Variants in SNX29 observed in about 807,000 individuals in gnomAD.
SNX29 encodes the protein sorting nexin-29.
SNX29 carries 78 observed loss-of-function variants against 102.1 expected under a neutral mutation model. The ratio of observed to expected loss-of-function variants is 0.76; its 90% CI spans 0.64 to 0.92. The LOEUF is 0.92. Ranked by LOEUF, SNX29 falls within the 40% of genes least tolerant of loss-of-function variation. SNX29 has a pLI of 0.00. For missense variants in SNX29, 1,280 were observed against 1,061.7 expected (o/e 1.21, Z -2.86); for synonymous variants, 580 against 414.5 (o/e 1.40, Z -4.85).
At chr16:12,520,090 C>T (rs2151945760) in intron 19 of SNX29, among the ~76,000 whole-genome samples, 1 of 152,340 alleles carries the variant, frequency 6.6e-6, no homozygotes, top group African/African-American at 2.4e-5. Context: ...ATTCTGGGAT[C>T]TTCCACACCT....
rs2050980756 is a variant in SNX29, at chr16:12,065,278, T to C, written c.1243+3632T>C. Among the ~76,000 whole-genome samples the C allele has an allele frequency of 1.3e-5, 2 of 152,152 alleles. 1 individual carries two copies. The highest frequency in any genetic ancestry group is 4.1e-4 in the South Asian group (2 of 4,826). On this transcript the variant is annotated intron_variant, in intron 9 of 20. Coordinates refer to ENST00000566228, the MANE Select transcript of SNX29 (RefSeq NM_032167.5). Reference sequence around the variant, plus strand: ...GGTTCCTCTGGGAGTATGTGGTGTCTATACCTGAGCAAAGCAAATTCACCA... The same window carrying C: ...GGTTCCTCTGGGAGTATGTGGTGTCCATACCTGAGCAAAGCAAATTCACCA...
intron 18 of SNX29, among the ~76,000 whole-genome samples, chr16:12,405,468 A>G (rs1375542846): frequency 1.3e-5 from 2 of 152,186 alleles, no homozygotes; most frequent in Admixed American, 6.5e-5. Context: ...GCCGCTCTGC[A>G]TCGCTGGGAG....
At chr16:12,011,363 C>T (rs1356784058) in intron 3 of SNX29, among the ~76,000 whole-genome samples, 1 of 151,830 alleles carries the variant, frequency 6.6e-6, no homozygotes, top group Non-Finnish European at 1.5e-5. Flanking sequence ...GCAACCTCTG[C>T]CTCCCAGGTT....
At chr16:12,463,335 G>A (rs959837533) in intron 18 of SNX29, among the ~76,000 whole-genome samples, 8 of 152,142 alleles carry the variant, frequency 5.3e-5, no homozygotes, top group Non-Finnish European at 7.4e-5. Flanking sequence ...AGACATACCC[G>A]AGACTGGGCA....
intron 1 of SNX29, among the ~76,000 whole-genome samples, chr16:11,992,136 C>T (rs1436822706): frequency 1.3e-5 from 2 of 151,940 alleles, no homozygotes; most frequent in Non-Finnish European, 1.5e-5. Flanking sequence ...CTTTACAAAA[C>T]GTACAAAATT....
Position 12,129,767 on chromosome 16 carries a change from G to C in SNX29, c.1595+9G>C. The C allele has an allele frequency of 6.2e-7, 1 of 1,601,636 alleles. No individual in the cohort carries two copies. Among genetic ancestry groups the C allele is most frequent in the South Asian group, 1.1e-5 (1 of 88,856 alleles). On this transcript the variant is annotated intron_variant, in intron 13 of 20. Transcript: ENST00000566228. ...GTCCAGGCGCTGGCCAGGTAGGAGA[G>C]GGTGAGGGATGGAGAGGTAAGCACG... is the stretch of plus-strand genomic sequence containing the variant.
At position 12,572,626 on chromosome 16, in the gene SNX29, C is replaced by T. The variant is rs1399264895; in HGVS notation, c.*3997C>T. On this transcript the variant is annotated 3_prime_UTR_variant, in exon 21 of 21. Coordinates refer to ENST00000566228, the MANE Select transcript of SNX29 (RefSeq NM_032167.5). ...CCTCCCCTCCGGCTACCCCCAGAAT[C>T]CATCCTTCATTCCTCCACCAAGCTC... 4.7e-6 allele frequency: 5 copies of T among 1,063,948 alleles called. No homozygotes were observed. The highest frequency in any genetic ancestry group is 5.7e-6 in the Non-Finnish European group (5 of 878,394). 65.9% of individuals were successfully genotyped at this position (1,063,948 alleles called of 1,614,324 possible). A position where few individuals can be genotyped will look rare whatever the true frequency, so the allele number is the denominator to read the frequency against.
At chr16:12,115,672 C>T (rs2053669442) in intron 11 of SNX29, among the ~76,000 whole-genome samples, 1 of 152,204 alleles carries the variant, frequency 6.6e-6, no homozygotes, top group Admixed American at 6.5e-5. Flanking sequence ...GGGTAGGCTC[C>T]ACTATGCACG....
At chr16:12,359,996 G>C (rs1017018066) in intron 16 of SNX29, among the ~76,000 whole-genome samples, 1 of 152,118 alleles carries the variant, frequency 6.6e-6, no homozygotes, top group Non-Finnish European at 1.5e-5. Context: ...GCTAATTTTT[G>C]TATTTTTAGT....
intron 20 of SNX29, among the ~76,000 whole-genome samples, chr16:12,559,758 C>T (rs928530298): frequency 2.6e-5 from 4 of 152,118 alleles, no homozygotes; most frequent in African/African-American, 9.7e-5. Context: ...AGCCTGACAG[C>T]AGTCACTCTG....
At chr16:12,026,682 A>G (rs565809983) in intron 3 of SNX29, among the ~76,000 whole-genome samples, 36 of 152,336 alleles carry the variant, frequency 2.4e-4, no homozygotes, top group Admixed American at 2.0e-3. Context: ...TGAGTTCACA[A>G]TGTATTCTCT....
intron 11 of SNX29, among the ~76,000 whole-genome samples, chr16:12,097,870 C>T (rs552989212): frequency 3.9e-5 from 6 of 152,158 alleles, no homozygotes; most frequent in Admixed American, 1.3e-4. Flanking sequence ...AGTTGGAAGG[C>T]GGGGGTGGTG....
chr16:12,524,501 TTAATAA>T (rs1185238170), intron 19 of SNX29, among the ~76,000 whole-genome samples, 195 bp from the exon 20 acceptor site: 1 of 151,026 alleles, frequency 6.6e-6, no homozygotes, highest in Non-Finnish European at 1.5e-5. Flanking sequence ...TTTCCTCCAC[TTAATAA>T]TAATATCGTG....
chr16:12,258,541 G>T (rs1278748108), intron 14 of SNX29, among the ~76,000 whole-genome samples: 2 of 152,022 alleles, frequency 1.3e-5, no homozygotes, highest in African/African-American at 4.8e-5. Context: ...TTACTTATCT[G>T]CTCATTTGCT....
At chr16:12,534,533 A>T (rs1211733382) in intron 20 of SNX29, among the ~76,000 whole-genome samples, 2 of 152,220 alleles carry the variant, frequency 1.3e-5, no homozygotes, top group Non-Finnish European at 2.9e-5. Flanking sequence ...TTTGGAGGGC[A>T]GTTGTGTCAG....
chr16:12,498,004 T>C (rs1249624876), intron 19 of SNX29, among the ~76,000 whole-genome samples: 1 of 151,954 alleles, frequency 6.6e-6, no homozygotes, highest in Non-Finnish European at 1.5e-5. Flanking sequence ...GAAAAGGACA[T>C]GGGTAGCAAG....
At chr16:12,324,707 C>T (rs2081064950) in intron 15 of SNX29, among the ~76,000 whole-genome samples, 2 of 152,096 alleles carry the variant, frequency 1.3e-5, no homozygotes, top group African/African-American at 4.8e-5. Flanking sequence ...TTCTCGGCCC[C>T]CAGCCCATCT....
intron 13 of SNX29, among the ~76,000 whole-genome samples, chr16:12,168,367 A>T (rs977935196): frequency 6.6e-6 from 1 of 152,182 alleles, no homozygotes; most frequent in Admixed American, 6.5e-5. Flanking sequence ...TTTGCATGTG[A>T]GGAAACTGGA....
At chr16:12,540,426 C>T (rs916140448) in intron 20 of SNX29, among the ~76,000 whole-genome samples, 2 of 152,216 alleles carry the variant, frequency 1.3e-5, no homozygotes, top group Admixed American at 6.5e-5. Flanking sequence ...GATTTATTCT[C>T]CAGCTGCTGT....
Sources: allele counts gnomAD v4.1 joint callset (sites outside exome capture counted in the v4.1 genomes callset), GRCh38; gene constraint gnomAD v4.1.1; transcripts MANE v1.5; gene names NCBI Gene and HGNC (gene_info 2026-07-23, HGNC 2026-07-21).